Variants in NTM observed in about 807,000 individuals in gnomAD.
NTM encodes IgLON family member 2.
In NTM, 13 loss-of-function variants were observed where a neutral mutation model predicts 42.1. That is an observed-to-expected ratio of 0.31 (90% CI 0.20 to 0.49). NTM has a LOEUF of 0.49. Among genes scored for constraint, NTM ranks in the 20% least tolerant of loss-of-function variants. The probability of loss-of-function intolerance (pLI) is 0.99; values close to 1 mark genes in which losing one functional copy is unlikely to be tolerated. For synonymous variants in NTM, 187 were observed against 179.2 expected (o/e 1.04, Z -0.35); for missense variants, 373 against 452.8 (o/e 0.82, Z 1.60).
In NTM at chr11:132,310,195, C is replaced by T; in HGVS notation, c.745C>T (p.Pro249Ser). ...GTLQCEASAV[P>S]SAEFQWYKDD... is the part of the protein sequence containing the mutation. ...ACTGCAGTGTGAAGCCTCAGCAGTC[C>T]CCTCAGCAGAATTCCAGTGGTACAA... Residue 249 changes from proline (P) to serine (S), a missense_variant, in exon 6 of 9, where the codon CCC becomes TCC. Around this residue, in one of 3 missense-constraint regions of NTM, gnomAD observed 312 missense variants for 353.5 expected, o/e 0.88. Coordinates refer to ENST00000683400, the MANE Select transcript of NTM (RefSeq NM_001352005.2). 1 of 1,610,630 alleles carries T rather than the reference C, an allele frequency of 6.2e-7. No homozygotes were observed. Among genetic ancestry groups the T allele is most frequent in the Non-Finnish European group, 8.5e-7 (1 of 1,178,644 alleles).
chr11:131,676,495 G>A (rs1292882246), intron 1 of NTM, among the ~76,000 whole-genome samples: 4 of 152,180 alleles, frequency 2.6e-5, no homozygotes, highest in African/African-American at 7.2e-5. Flanking sequence ...ATGCCTGTGT[G>A]TGCGCATGCA....
At chr11:131,505,999 C>T (rs2047442791) in intron 1 of NTM, among the ~76,000 whole-genome samples, 1 of 152,096 alleles carries the variant, frequency 6.6e-6, no homozygotes. Context: ...CAATCATACC[C>T]ATAAGAAGCC....
chr11:131,625,758 T>A (rs1023342858), intron 1 of NTM, among the ~76,000 whole-genome samples: 1 of 152,182 alleles, frequency 6.6e-6, no homozygotes, highest in Non-Finnish European at 1.5e-5. Context: ...TCCAACTTGA[T>A]GCCAGCCTCC....
chr11:131,681,913 C>T (rs1047935234), intron 1 of NTM, among the ~76,000 whole-genome samples: 1 of 149,690 alleles, frequency 6.7e-6, no homozygotes, highest in Non-Finnish European at 1.5e-5. Flanking sequence ...GTGTGTGTGT[C>T]GTGTGTGTGT....
At chr11:132,270,052 C>T (rs1232785397) in intron 4 of NTM, among the ~76,000 whole-genome samples, 1 of 152,146 alleles carries the variant, frequency 6.6e-6, no homozygotes, top group Non-Finnish European at 1.5e-5. Flanking sequence ...TCCTCAGCGT[C>T]CTACTCCAGG....
chr11:131,760,239 C>A (rs1180214802), intron 1 of NTM, among the ~76,000 whole-genome samples: 1 of 152,132 alleles, frequency 6.6e-6, no homozygotes, highest in Non-Finnish European at 1.5e-5. Context: ...GAAGCAGATG[C>A]AGGGTGATTC....
chr11:131,901,314 T>C (rs935602166), intron 1 of NTM, among the ~76,000 whole-genome samples: 23 of 152,210 alleles, frequency 1.5e-4, no homozygotes, highest in Non-Finnish European at 2.1e-4. Flanking sequence ...TGTCTCTTCA[T>C]CGACTGCCTA....
intron 2 of NTM, among the ~76,000 whole-genome samples, chr11:132,104,870 A>C (rs2062096450): frequency 1.4e-5 from 2 of 143,132 alleles, no homozygotes; most frequent in Admixed American, 1.4e-4. Context: ...GTGGCACTGT[A>C]ATTACTGTAA....
intron 3 of NTM, among the ~76,000 whole-genome samples, chr11:132,191,127 C>A (rs558148793): frequency 1.3e-5 from 2 of 152,102 alleles, no homozygotes; most frequent in Non-Finnish European, 2.9e-5. Context: ...ATTGTTGCAG[C>A]CCCCTACCCC....
Position 131,600,765 on chromosome 11 carries a change from C to T in NTM, c.82+229877C>T, listed in dbSNP as rs189490019. On this transcript the variant is annotated intron_variant, in intron 1 of 8. Transcript: ENST00000683400. Reference sequence around the variant, plus strand: ...GATAGGTTTGCCTGTCCAGACACAACAAGAAGCAAAGCCTCAGTGTAAGAG... The same window carrying T: ...GATAGGTTTGCCTGTCCAGACACAATAAGAAGCAAAGCCTCAGTGTAAGAG... 2.9e-3 allele frequency among the ~76,000 whole-genome samples: 444 copies of T among 152,220 alleles called. 4 individuals are homozygous for T. Among genetic ancestry groups the T allele is most frequent in the African/African-American group, 0.01 (436 of 41,546 alleles).
intron 2 of NTM, among the ~76,000 whole-genome samples, chr11:131,988,424 C>T (rs1004157301): frequency 3.9e-5 from 6 of 152,146 alleles, no homozygotes; most frequent in Non-Finnish European, 7.3e-5. Flanking sequence ...ATCTGGCATC[C>T]TGGGGACACT....
chr11:131,830,532 GT>G, intron 1 of NTM, among the ~76,000 whole-genome samples: 1 of 152,118 alleles, frequency 6.6e-6, no homozygotes, highest in African/African-American at 2.4e-5. Context: ...CTATATGTCT[GT>G]TTTTGTACCA....
intron 3 of NTM, among the ~76,000 whole-genome samples, chr11:132,199,198 A>G (rs1419340206): frequency 6.6e-6 from 1 of 152,230 alleles, no homozygotes; most frequent in Admixed American, 6.5e-5. Flanking sequence ...AAACATCAGC[A>G]GGAGAAATCT....
In NTM at chr11:131,710,744, T is replaced by C. The variant is rs139749965; in HGVS notation, c.83-200820T>C. Reference sequence around the variant, plus strand: ...CACAGAGTCTGCGGTTTGCAAGCCTTTGGAGTCATTCTGATTCACTACTCC... The same window carrying C: ...CACAGAGTCTGCGGTTTGCAAGCCTCTGGAGTCATTCTGATTCACTACTCC... On this transcript the variant is annotated intron_variant, in intron 1 of 8. Transcript: ENST00000683400. Among the ~76,000 whole-genome samples the C allele has an allele frequency of 1.2e-4, 19 of 152,292 alleles. No homozygotes were observed. The East Asian group carries it at 3.7e-3, about 29-fold the overall frequency.
intron 1 of NTM, among the ~76,000 whole-genome samples, chr11:131,721,030 A>C: frequency 6.6e-6 from 1 of 152,038 alleles, no homozygotes; most frequent in East Asian, 1.9e-4. Context: ...GGATTGTTTT[A>C]CTTTCCTATG....
At chr11:131,628,208 C>A (rs528127030) in intron 1 of NTM, among the ~76,000 whole-genome samples, 1 of 152,324 alleles carries the variant, frequency 6.6e-6, no homozygotes, top group African/African-American at 2.4e-5. Context: ...CTCCCACACT[C>A]CACACACTCT....
intron 1 of NTM, among the ~76,000 whole-genome samples, chr11:131,708,507 T>G (rs945088254): frequency 1.3e-5 from 2 of 152,140 alleles, no homozygotes; most frequent in African/African-American, 4.8e-5. Context: ...TACACCTGTG[T>G]TCCCATTAAT....
intron 7 of NTM, among the ~76,000 whole-genome samples, chr11:132,319,285 G>A (rs1266745846): frequency 6.6e-6 from 1 of 152,184 alleles, no homozygotes; most frequent in Non-Finnish European, 1.5e-5. Flanking sequence ...GACAGTGGGT[G>A]CAGCTCACCG....
At chr11:132,035,238 A>G (rs376339502) in intron 2 of NTM, among the ~76,000 whole-genome samples, 1 of 152,162 alleles carries the variant, frequency 6.6e-6, no homozygotes, top group Admixed American at 6.5e-5. Flanking sequence ...CTCTACTTCC[A>G]TAGCTCTTGT....
Sources: allele counts gnomAD v4.1 joint callset (sites outside exome capture counted in the v4.1 genomes callset), GRCh38; gene constraint gnomAD v4.1.1; regional missense constraint gnomAD v4.1.1; transcripts MANE v1.5; gene names NCBI Gene and HGNC (gene_info 2026-07-23, HGNC 2026-07-21).